The following VWC2L variants were observed in gnomAD, a reference collection of about 807,000 sequenced individuals.
VWC2L encodes von Willebrand factor C domain containing 2 like, also known as von Willebrand factor C domain-containing protein 2-like.
Under a neutral mutation model 21.6 loss-of-function variants are expected in VWC2L, and 10 were observed. The observed-to-expected ratio is 0.46, with a 90% CI of 0.29 to 0.78. The LOEUF is 0.78. Ranked by LOEUF, VWC2L falls within the 30% of genes least tolerant of loss-of-function variation. The probability of loss-of-function intolerance (pLI) is 0.10; values close to 1 mark genes in which losing one functional copy is unlikely to be tolerated. For missense variants in VWC2L, 209 were observed against 277.1 expected, an observed-to-expected ratio of 0.75 and a Z score of 1.74; for synonymous variants, 96 against 94.3, an observed-to-expected ratio of 1.02 and a Z score of -0.10.
intron 3 of VWC2L, among the ~76,000 whole-genome samples, chr2:214,547,844 C>T (rs1434375851): frequency 6.6e-6 from 1 of 152,182 alleles, no homozygotes; most frequent in Admixed American, 6.5e-5. Flanking sequence ...ACTTTTCTCT[C>T]ATACTAATAG....
chr2:214,556,688 T>C (rs1408389491), intron 3 of VWC2L, among the ~76,000 whole-genome samples: 4 of 152,246 alleles, frequency 2.6e-5, no homozygotes, highest in Non-Finnish European at 2.9e-5. Context: ...AAATCTAGCA[T>C]ACTACAATCT....
intron 3 of VWC2L, among the ~76,000 whole-genome samples, chr2:214,536,263 A>G (rs1689527662): frequency 6.6e-6 from 1 of 152,112 alleles, no homozygotes; most frequent in African/African-American, 2.4e-5. Flanking sequence ...AGCCCTCAAT[A>G]AACATGTATG....
chr2:214,517,804 A>C (rs1044217169), intron 3 of VWC2L, among the ~76,000 whole-genome samples: 1 of 152,248 alleles, frequency 6.6e-6, no homozygotes, highest in African/African-American at 2.4e-5. Flanking sequence ...AGTACTACTT[A>C]AGAGACTGGG....
chr2:214,471,968 C>A (rs4132222), intron 3 of VWC2L, among the ~76,000 whole-genome samples: 34,976 of 152,058 alleles, frequency 0.23, 4,857 homozygotes, highest in African/African-American at 0.39. Context: ...CTCAGACAAT[C>A]TGAGAGAACC....
intron 2 of VWC2L, among the ~76,000 whole-genome samples, chr2:214,418,236 T>C (rs1365163293): frequency 2.0e-5 from 3 of 152,190 alleles, no homozygotes; most frequent in Non-Finnish European, 4.4e-5. Flanking sequence ...ACAGTAACTG[T>C]TGTCTGATAC....
In VWC2L at chr2:214,575,760, G is replaced by A. The variant is rs1383251718; in HGVS notation, c.609G>A (p.Gly203=). 4.3e-6 allele frequency: 7 copies of A among 1,613,422 alleles called. No individual in the cohort carries two copies. The highest frequency in any genetic ancestry group is 5.1e-6 in the Non-Finnish European group (6 of 1,179,560). Residue 203 remains glycine, a synonymous_variant, in exon 4 of 4, where the codon GGG becomes GGA. Transcript: ENST00000312504. ...DECNICHCHN[G]DWWKPAQCSK... is the part of the protein sequence containing the mutation. ...GTAACATCTGTCATTGTCACAACGGGGACTGGTGGAAGCCTGCTCAGTGTT... is the reference window on the plus strand; with the variant it reads ...GTAACATCTGTCATTGTCACAACGGAGACTGGTGGAAGCCTGCTCAGTGTT...
At chr2:214,519,817 G>A (rs992463573) in intron 3 of VWC2L, among the ~76,000 whole-genome samples, 8 of 152,012 alleles carry the variant, frequency 5.3e-5, no homozygotes, top group South Asian at 4.1e-4. Context: ...AGGTTCACAC[G>A]CATGACCCAA....
chr2:214,571,155 A>T (rs1475838147), intron 3 of VWC2L, among the ~76,000 whole-genome samples: 1 of 152,204 alleles, frequency 6.6e-6, no homozygotes, highest in East Asian at 1.9e-4. Context: ...CACAAAAACC[A>T]ACTAGACTTC....
At chr2:214,559,461 C>G (rs1159305131) in intron 3 of VWC2L, among the ~76,000 whole-genome samples, 2 of 152,090 alleles carry the variant, frequency 1.3e-5, no homozygotes, top group African/African-American at 4.8e-5. Context: ...GAAGCTGTTC[C>G]TGTGGGGCTC....
chr2:214,482,691 G>A (rs924413784), intron 3 of VWC2L, among the ~76,000 whole-genome samples: 3 of 150,722 alleles, frequency 2.0e-5, no homozygotes, highest in Non-Finnish European at 4.4e-5. Context: ...GCCAGGCACT[G>A]TGGTATAACA....
At chr2:214,562,359 T>C (rs1689989660) in intron 3 of VWC2L, among the ~76,000 whole-genome samples, 1 of 152,250 alleles carries the variant, frequency 6.6e-6, no homozygotes, top group South Asian at 2.1e-4. Flanking sequence ...TTCCATTGTG[T>C]ATATGTACCA....
chr2:214,515,970 A>T (rs894674430), intron 3 of VWC2L, among the ~76,000 whole-genome samples: 3 of 152,196 alleles, frequency 2.0e-5, no homozygotes, highest in African/African-American at 7.2e-5. Context: ...TGCCTCAGAA[A>T]GTGCTTGACA....
chr2:214,537,052 G>A (rs1353715167), intron 3 of VWC2L, among the ~76,000 whole-genome samples: 1 of 151,236 alleles, frequency 6.6e-6, no homozygotes, highest in East Asian at 1.9e-4. Flanking sequence ...TTACCTCGGG[G>A]CTCATTCTTC....
intron 2 of VWC2L, among the ~76,000 whole-genome samples, chr2:214,432,969 C>T (rs563205248): frequency 6.6e-6 from 1 of 150,940 alleles, no homozygotes; most frequent in Admixed American, 6.6e-5. Flanking sequence ...TTGCAGTAAG[C>T]CAAGATTGTG....
intron 3 of VWC2L, among the ~76,000 whole-genome samples, chr2:214,482,952 C>T (rs1688627881): frequency 6.6e-6 from 1 of 152,120 alleles, no homozygotes; most frequent in African/African-American, 2.4e-5. Flanking sequence ...TGTGTGCAGT[C>T]TCTCAACCCA....
chr2:214,414,016 C>T (rs1702315841), intron 1 of VWC2L, 98 bp from the exon 2 acceptor site: 1 of 665,022 alleles, frequency 1.5e-6, no homozygotes, highest in Non-Finnish European at 2.4e-6. Flanking sequence ...GACTTAGTAT[C>T]TTCAAATTGA....
chr2:214,522,278 C>T (rs1219374031), intron 3 of VWC2L, among the ~76,000 whole-genome samples: 2 of 149,404 alleles, frequency 1.3e-5, no homozygotes, highest in Non-Finnish European at 3.0e-5. Flanking sequence ...CGGAGGGTGA[C>T]GCAGGAGAAT....
At chr2:214,429,239 G>A (rs1039856073) in intron 2 of VWC2L, among the ~76,000 whole-genome samples, 6 of 152,260 alleles carry the variant, frequency 3.9e-5, no homozygotes, top group African/African-American at 9.6e-5. Flanking sequence ...GGCGATAAAT[G>A]TAGCACCTTC....
In VWC2L at chr2:214,414,064, A is replaced by G. The variant is rs142201849; in HGVS notation, c.-80-50A>G. On this transcript the variant is annotated intron_variant, in intron 1 of 3. Transcript: ENST00000312504. Reference sequence around the variant, plus strand: ...TAAGAGCGTGGGCTTAAATGAATCTATCTTCACTTTATATATGTCAAATTA... The same window carrying G: ...TAAGAGCGTGGGCTTAAATGAATCTGTCTTCACTTTATATATGTCAAATTA... 5.0e-4 allele frequency: 518 copies of G among 1,027,506 alleles called. 3 individuals carry two copies. The East Asian group carries it at 0.011, about 23-fold the overall frequency. The allele number at this position is 1,027,506 out of a possible 1,614,324, so 63.6% of individuals were successfully genotyped here.
Sources: gnomAD v4.1 joint callset for allele counts (sites outside exome capture counted in the v4.1 genomes callset) on GRCh38, gnomAD v4.1.1 for gene constraint, MANE v1.5 for transcripts, NCBI Gene and HGNC (gene_info 2026-07-23, HGNC 2026-07-21) for gene names.